CA10: variants seen among roughly 807,000 people sequenced by gnomAD.
The protein encoded by CA10 is carbonic anhydrase-related protein 10.
Under a neutral mutation model 44.2 loss-of-function variants are expected in CA10, and 14 were observed. The observed-to-expected ratio is 0.32, with a 90% CI of 0.21 to 0.50. The LOEUF is 0.50. Ranked by LOEUF, CA10 falls within the 20% of genes least tolerant of loss-of-function variation. CA10 has a pLI of 0.99. For synonymous variants in CA10, 159 were observed against 141.6 expected (o/e 1.12, Z -0.87); for missense variants, 350 against 409.7 (o/e 0.85, Z 1.26).
intron 4 of CA10, among the ~76,000 whole-genome samples, chr17:51,703,306 C>T (rs904711194): frequency 6.6e-6 from 1 of 152,090 alleles, no homozygotes; most frequent in Admixed American, 6.5e-5. Context: ...ATAACTCCAA[C>T]AAGGAAGTCA....
chr17:52,113,188 G>C (rs1988821957), intron 1 of CA10, among the ~76,000 whole-genome samples: 2 of 152,298 alleles, frequency 1.3e-5, no homozygotes, highest in South Asian at 4.1e-4. Flanking sequence ...TTACAAGTTT[G>C]TCCAGATTAG....
At chr17:52,044,967 C>A (rs1189822580) in intron 2 of CA10, among the ~76,000 whole-genome samples, 1 of 151,650 alleles carries the variant, frequency 6.6e-6, no homozygotes, top group Non-Finnish European at 1.5e-5. Context: ...ATCCAAGAAG[C>A]TCAATGAACC....
At chr17:51,725,702 T>C (rs1916493058) in intron 4 of CA10, among the ~76,000 whole-genome samples, 1 of 152,244 alleles carries the variant, frequency 6.6e-6, no homozygotes, top group South Asian at 2.1e-4. Flanking sequence ...TTCTCTGCCC[T>C]TTCTCTGCAC....
chr17:51,899,061 G>GT (rs1205239342), intron 3 of CA10, among the ~76,000 whole-genome samples: 6 of 151,442 alleles, frequency 4.0e-5, no homozygotes, highest in East Asian at 2.0e-4. Flanking sequence ...CTCTGATTTT[G>GT]TTTTTTTCTT....
At chr17:51,904,785 C>T (rs916787656) in intron 3 of CA10, among the ~76,000 whole-genome samples, 5 of 152,098 alleles carry the variant, frequency 3.3e-5, no homozygotes, top group Non-Finnish European at 7.4e-5. Context: ...TACGCTGCTT[C>T]TGCTTCTCAT....
chr17:51,987,554 G>T (rs1352976571), intron 2 of CA10, among the ~76,000 whole-genome samples: 1 of 151,370 alleles, frequency 6.6e-6, no homozygotes, highest in Non-Finnish European at 1.5e-5. Flanking sequence ...ATGTAGAAAA[G>T]ATTTTAAAAA....
At chr17:51,716,196 G>A (rs1278991683) in intron 4 of CA10, among the ~76,000 whole-genome samples, 3 of 152,036 alleles carry the variant, frequency 2.0e-5, no homozygotes, top group South Asian at 2.1e-4. Flanking sequence ...ACCTGGGGAC[G>A]GTCCCCTGGG....
intron 4 of CA10, among the ~76,000 whole-genome samples, chr17:51,694,065 G>T (rs150944748): frequency 6.6e-6 from 1 of 152,094 alleles, no homozygotes; most frequent in Admixed American, 6.5e-5. Context: ...TTAGCTAGGC[G>T]TGGTGGTGCA....
intron 1 of CA10, among the ~76,000 whole-genome samples, chr17:52,152,802 C>T (rs1989730522): frequency 6.6e-6 from 1 of 152,082 alleles, no homozygotes; most frequent in Non-Finnish European, 1.5e-5. Flanking sequence ...TCAAGAATCA[C>T]TCTCTGAAGT....
chr17:51,989,707 T>C (rs1219298201), intron 2 of CA10, among the ~76,000 whole-genome samples: 1 of 152,032 alleles, frequency 6.6e-6, no homozygotes, highest in Admixed American at 6.6e-5. Flanking sequence ...AGGAACAGAA[T>C]CTGTTTCTAA....
intron 4 of CA10, among the ~76,000 whole-genome samples, chr17:51,654,723 A>AT (rs1182715088): frequency 2.6e-5 from 4 of 152,018 alleles, no homozygotes; most frequent in East Asian, 1.9e-4. Context: ...CGCCAGGCTA[A>AT]TTTTTTGTAT....
intron 1 of CA10, among the ~76,000 whole-genome samples, chr17:52,111,093 T>C (rs942281305): frequency 2.0e-5 from 3 of 152,226 alleles, no homozygotes; most frequent in African/African-American, 7.2e-5. Context: ...CTCATCCGCA[T>C]ATTCAAAATC....
chr17:51,824,769 C>G (rs994518317), intron 3 of CA10, among the ~76,000 whole-genome samples: 1 of 152,204 alleles, frequency 6.6e-6, no homozygotes, highest in African/African-American at 2.4e-5. Flanking sequence ...GGATATCGGC[C>G]TCTTGAAATA....
At chr17:51,714,870 G>A (rs76731777) in intron 4 of CA10, among the ~76,000 whole-genome samples, 3,596 of 152,282 alleles carry the variant, frequency 0.024, 143 homozygotes, top group African/African-American at 0.082. Flanking sequence ...TCGGCTAAAT[G>A]GGTGCTCATT....
rs1042546848 is a variant in CA10, at chr17:51,701,928, C to A, written c.465+45705G>T. Reference sequence around the variant, plus strand: ...AGTCACCATGTGTACCTCCGGCCACCCCATCCTGCCCTGGGTCTTGTCCTC... The same window carrying A: ...AGTCACCATGTGTACCTCCGGCCACACCATCCTGCCCTGGGTCTTGTCCTC... On this transcript the variant is annotated intron_variant, in intron 4 of 8. Transcript: ENST00000451037. Among the ~76,000 whole-genome samples the A allele has an allele frequency of 2.6e-5, 4 of 152,146 alleles. No individual in the cohort carries two copies. The South Asian group carries it at 8.3e-4, about 32-fold the overall frequency.
At chr17:52,063,386 T>A (rs1236243991) in intron 2 of CA10, among the ~76,000 whole-genome samples, 3 of 152,170 alleles carry the variant, frequency 2.0e-5, no homozygotes, top group Non-Finnish European at 4.4e-5. Context: ...GTGAGAAGGA[T>A]GTGAGGCATG....
intron 1 of CA10, among the ~76,000 whole-genome samples, chr17:52,145,673 C>T (rs147338074): frequency 1.3e-5 from 2 of 152,168 alleles, no homozygotes; most frequent in Non-Finnish European, 2.9e-5. Context: ...CATCTTGAAT[C>T]CCATAGCTAT....
At chr17:52,088,305 T>C (rs1189830298) in intron 1 of CA10, among the ~76,000 whole-genome samples, 2 of 152,196 alleles carry the variant, frequency 1.3e-5, no homozygotes, top group Non-Finnish European at 2.9e-5. Context: ...TTATTTAGGA[T>C]AATTAGTTCA....
chr17:52,023,885 T>G (rs1210389609), intron 2 of CA10, among the ~76,000 whole-genome samples: 1 of 152,182 alleles, frequency 6.6e-6, no homozygotes, highest in Non-Finnish European at 1.5e-5. Context: ...TTTTTTCTTC[T>G]GTCTATATTT....
Sources: gnomAD v4.1 joint callset for allele counts (sites outside exome capture counted in the v4.1 genomes callset) on GRCh38, gnomAD v4.1.1 for gene constraint, MANE v1.5 for transcripts, NCBI Gene and HGNC (gene_info 2026-07-23, HGNC 2026-07-21) for gene names.